ADAMTS18: variants seen among roughly 807,000 people sequenced by gnomAD.
The protein encoded by ADAMTS18 is A disintegrin and metalloproteinase with thrombospondin motifs 18.
Under a neutral mutation model 165.9 loss-of-function variants are expected in ADAMTS18, and 157 were observed. The observed-to-expected ratio is 0.95, with a 90% CI of 0.83 to 1.08. The LOEUF (loss-of-function observed/expected upper bound fraction) is 1.08. Among genes scored for constraint, ADAMTS18 ranks in the 50% least tolerant of loss-of-function variants. The probability of loss-of-function intolerance (pLI) is 0.00; values close to 1 mark genes in which losing one functional copy is unlikely to be tolerated. For synonymous variants in ADAMTS18, 782 were observed against 578.2 expected (o/e 1.35, Z -5.06); for missense variants, 2,040 against 1,534.0 (o/e 1.33, Z -5.51).
chr16:77,406,844 CAGAA>C (rs1038143375), intron 3 of ADAMTS18, among the ~76,000 whole-genome samples: 9 of 151,868 alleles, frequency 5.9e-5, no homozygotes, highest in African/African-American at 1.9e-4. Context: ...AACAAAGAAA[CAGAA>C]AGCCAAATAC....
intron 12 of ADAMTS18, among the ~76,000 whole-genome samples, chr16:77,334,789 AATATACTATATACTATAGTATACAGTAT>A (rs1158687417): frequency 1.7e-4 from 4 of 23,936 alleles, no homozygotes; most frequent in African/African-American, 3.8e-4. Flanking sequence ...GTATACAGTA[AATATACTATATACTATAGTATACAGTAT>A]ATATACTATA....
At chr16:77,356,694 C>T (rs1003226672) in intron 8 of ADAMTS18, among the ~76,000 whole-genome samples, 2 of 152,096 alleles carry the variant, frequency 1.3e-5, no homozygotes, top group African/African-American at 4.8e-5. Flanking sequence ...TGTTATCTTT[C>T]AGATGTATTA....
Position 77,294,983 on chromosome 16 carries a change from C to T in ADAMTS18, c.2946G>A (p.Gln982=), listed in dbSNP as rs776507473. Residue 982 remains glutamine, a synonymous_variant, in exon 19 of 23, where the codon CAG becomes CAA. Coordinates refer to ENST00000282849, the MANE Select transcript of ADAMTS18 (RefSeq NM_199355.4). ...HSLCPVSTPT[Q]VQACNSHACP... ...AGGCATGGCTGTTGCAGGCTTGGAC[C>T]TGAGTGGGTGTGCTCACTGGACAGA... 1.7e-5 allele frequency: 27 copies of T among 1,614,012 alleles called. No homozygotes were observed. In the South Asian group the frequency reaches 2.4e-4, roughly 14 times the overall value.
chr16:77,341,540 T>G (rs979384516), intron 11 of ADAMTS18, among the ~76,000 whole-genome samples, 164 bp downstream of exon 11: 21 of 152,204 alleles, frequency 1.4e-4, no homozygotes, highest in African/African-American at 4.6e-4. Context: ...TGGGTTATAT[T>G]AGCATTAAGC....
Position 77,355,930 on chromosome 16 carries a change from C to A in ADAMTS18, c.1460+10G>T. On this transcript the variant is annotated intron_variant, in intron 9 of 22. Coordinates refer to ENST00000282849, the MANE Select transcript of ADAMTS18 (RefSeq NM_199355.4). ...AACCTAGGAGCACCCCAGGATTTAACCTGTCATACCTGAGGAATTTCTTGA... is the reference window on the plus strand; with the variant it reads ...AACCTAGGAGCACCCCAGGATTTAAACTGTCATACCTGAGGAATTTCTTGA... 1 of 1,613,906 alleles carries A rather than the reference C, an allele frequency of 6.2e-7. No individual in the cohort carries two copies. Among genetic ancestry groups the A allele is most frequent in the South Asian group, 1.1e-5 (1 of 91,072 alleles).
At position 77,297,350 on chromosome 16, in the gene ADAMTS18, T is replaced by C; in HGVS notation, c.2740A>G (p.Ser914Gly). 6.2e-7 allele frequency: 1 copy of C among 1,614,076 alleles called. No homozygotes were observed. Among genetic ancestry groups the C allele is most frequent in the Non-Finnish European group, 8.5e-7 (1 of 1,179,932 alleles). The change falls in exon 18 of 23, where the codon AGT becomes GGT. Residue 914 changes from serine (S) to glycine (G), a missense_variant. Physicochemically the swap from Ser to Gly is moderately conservative, Grantham distance 56. Transcript: ENST00000282849. The part of the protein sequence containing the change: ...QNTQVNSSFC[S>G]AKTKPVTEPK... ...TCAGTTACTGGCTTGGTTTTTGCAC[T>C]GCAGAATGAGGAATTGACTTGAGTA...
At position 77,337,083 on chromosome 16, in the gene ADAMTS18, T is replaced by A. The variant is rs74704900; in HGVS notation, c.1711-1179A>T. On this transcript the variant is annotated intron_variant, in intron 11 of 22. Coordinates refer to ENST00000282849, the MANE Select transcript of ADAMTS18 (RefSeq NM_199355.4). ...TATCTAGGTTAAGATATTGCTTCCT[T>A]TCTTCAAATTCTTGCCATGTGCTGA... 6.6e-3 allele frequency among the ~76,000 whole-genome samples: 1,001 copies of A among 152,366 alleles called. 13 individuals are homozygous for A. The highest frequency in any genetic ancestry group is 0.023 in the African/African-American group (965 of 41,588).
chr16:77,289,734 C>A (rs1299672993), intron 21 of ADAMTS18, among the ~76,000 whole-genome samples: 1 of 152,132 alleles, frequency 6.6e-6, no homozygotes, highest in Non-Finnish European at 1.5e-5. Flanking sequence ...TACAGACACA[C>A]CTAGGGAGTT....
chr16:77,413,688 C>T (rs1361325890), intron 3 of ADAMTS18, among the ~76,000 whole-genome samples: 1 of 149,886 alleles, frequency 6.7e-6, no homozygotes, highest in Non-Finnish European at 1.5e-5. Context: ...ATTTAGTATA[C>T]TTAAATATGT....
chr16:77,389,432 G>A (rs951769794), intron 3 of ADAMTS18, among the ~76,000 whole-genome samples: 3 of 152,138 alleles, frequency 2.0e-5, no homozygotes, highest in Non-Finnish European at 2.9e-5. Flanking sequence ...ATGGTGTTAC[G>A]GAAAACTCCT....
chr16:77,410,831 C>A (rs999585967), intron 3 of ADAMTS18, among the ~76,000 whole-genome samples: 2 of 152,142 alleles, frequency 1.3e-5, no homozygotes, highest in African/African-American at 4.8e-5. Flanking sequence ...CCTTCTAGCA[C>A]CCAGCCAATA....
intron 17 of ADAMTS18, among the ~76,000 whole-genome samples, chr16:77,299,880 A>G (rs765405097): frequency 1.3e-5 from 2 of 152,114 alleles, no homozygotes; most frequent in Non-Finnish European, 2.9e-5. Context: ...CCTAGCTTTT[A>G]TAACTTCCAA....
chr16:77,362,773 T>G (rs925482816), intron 6 of ADAMTS18, among the ~76,000 whole-genome samples: 6 of 152,174 alleles, frequency 3.9e-5, no homozygotes, highest in Admixed American at 2.6e-4. Flanking sequence ...ACCCTTAAAA[T>G]AATCATTTGT....
Position 77,283,878 on chromosome 16 carries a change from TG to T in ADAMTS18, c.*77del. 8.9e-7 allele frequency: 1 copy of T among 1,122,862 alleles called. No homozygotes were observed. The highest frequency in any genetic ancestry group is 1.4e-6 in the Non-Finnish European group (1 of 736,086). The allele number at this position is 1,122,862 out of a possible 1,614,324, so 69.6% of individuals were successfully genotyped here. On this transcript the variant is annotated 3_prime_UTR_variant, in exon 23 of 23. Coordinates refer to ENST00000282849, the MANE Select transcript of ADAMTS18 (RefSeq NM_199355.4). ...CAGATGGTTCTCGGTGCTCAGCTCCTGGTCTCAAAGGCAGCTGGTCTCTCTA... is the reference window on the plus strand; with the variant it reads ...CAGATGGTTCTCGGTGCTCAGCTCCTGTCTCAAAGGCAGCTGGTCTCTCTA...
intron 3 of ADAMTS18, among the ~76,000 whole-genome samples, chr16:77,408,470 AATAG>A (rs1476201006): frequency 2.0e-4 from 31 of 152,288 alleles, no homozygotes; most frequent in African/African-American, 2.9e-4. Flanking sequence ...TCAACAAAAA[AATAG>A]ATAAATAGTG....
chr16:77,367,851 G>T, intron 3 of ADAMTS18, 128 bp from the exon 4 acceptor site: 3 of 1,050,870 alleles, frequency 2.9e-6, no homozygotes, highest in South Asian at 2.6e-5. Flanking sequence ...CACACATATT[G>T]CCTCATTTTT....
intron 3 of ADAMTS18, among the ~76,000 whole-genome samples, chr16:77,413,533 T>G (rs759554262): frequency 1.8e-4 from 28 of 152,206 alleles, no homozygotes; most frequent in Non-Finnish European, 4.1e-4. Flanking sequence ...ATACAATTTA[T>G]TTTTGAATGC....
chr16:77,375,381 C>CA (rs1241673225), intron 3 of ADAMTS18, among the ~76,000 whole-genome samples: 2 of 151,540 alleles, frequency 1.3e-5, no homozygotes, highest in African/African-American at 4.9e-5. Context: ...GAGTCCATCT[C>CA]AAAAAAATAA....
chr16:77,412,237 A>G (rs1388822062), intron 3 of ADAMTS18, among the ~76,000 whole-genome samples: 1 of 152,176 alleles, frequency 6.6e-6, no homozygotes, highest in Non-Finnish European at 1.5e-5. Flanking sequence ...TGTAACTCGT[A>G]CCATTGGCTT....
Sources: gnomAD v4.1 joint callset for allele counts (sites outside exome capture counted in the v4.1 genomes callset) on GRCh38, gnomAD v4.1.1 for gene constraint, MANE v1.5 for transcripts, NCBI Gene and HGNC (gene_info 2026-07-23, HGNC 2026-07-21) for gene names.